The following FBXL4 variants were observed in gnomAD, a reference collection of about 807,000 sequenced individuals.
FBXL4 encodes F-box/LRR-repeat protein 4.
FBXL4 carries 40 observed loss-of-function variants against 58.9 expected under a neutral mutation model. That is an observed-to-expected ratio of 0.68 (90% confidence interval 0.53 to 0.88). FBXL4 has a LOEUF of 0.88. Among genes scored for constraint, FBXL4 ranks in the 40% least tolerant of loss-of-function variants. The pLI is 0.00. For missense variants in FBXL4, 676 were observed against 734.4 expected (o/e 0.92, Z 0.92); for synonymous variants, 263 against 265.5 (o/e 0.99, Z 0.09).
rs199923936 is a variant in FBXL4, at chr6:98,917,700, C to T, written c.532G>A (p.Glu178Lys). 3.7e-6 allele frequency: 6 copies of T among 1,601,718 alleles called. No homozygotes were observed. The Admixed American group carries it at 8.7e-5, about 23-fold the overall frequency. The change falls in exon 5 of 10, where the codon GAG becomes AAG. Residue 178 changes from glutamate (E) to lysine (K), a missense_variant. Coordinates refer to ENST00000369244, the MANE Select transcript of FBXL4 (RefSeq NM_001278716.2). ...AEVRWEILWSERPTKVNASQA... is the reference protein window; with the variant it reads ...AEVRWEILWSKRPTKVNASQA... The stretch of plus-strand genomic sequence containing the variant: ...GAAGCATTCACCTTCGTAGGTCTCT[C>T]TGACCAAAGAATCTCCCATCTGCCA...
At position 98,870,514 on chromosome 6, in the gene FBXL4, T is replaced by C. The variant is rs995166554; in HGVS notation, c.*3764A>G. Reference sequence around the variant, plus strand: ...TGAACAAATGCAAAGGAGACTTATGTGGTGCTGTCATCATTTTGCACTGCT... The same window carrying C: ...TGAACAAATGCAAAGGAGACTTATGCGGTGCTGTCATCATTTTGCACTGCT... On this transcript the variant is annotated 3_prime_UTR_variant, in exon 10 of 10. Transcript: ENST00000369244. 6.6e-6 allele frequency: 1 copy of C among 152,216 alleles called. No homozygotes were observed. Among genetic ancestry groups the C allele is most frequent in the Non-Finnish European group, 1.5e-5 (1 of 68,038 alleles). The allele number at this position is 152,216 out of a possible 1,614,324, so 9.4% of individuals were successfully genotyped here.
intron 2 of FBXL4, among the ~76,000 whole-genome samples, chr6:98,928,326 ACTTTT>A (rs1226959374): frequency 1.3e-5 from 2 of 150,184 alleles, no homozygotes; most frequent in Admixed American, 6.6e-5. Context: ...AGATGTACCA[ACTTTT>A]CTTTTTTTTT....
intron 1 of FBXL4, among the ~76,000 whole-genome samples, chr6:98,944,008 T>C (rs1301218866): frequency 1.3e-5 from 2 of 152,228 alleles, no homozygotes; most frequent in Non-Finnish European, 1.5e-5. Context: ...ATATAGTATC[T>C]TACAACAAAT....
At chr6:98,937,663 G>A (rs1027520417) in intron 1 of FBXL4, among the ~76,000 whole-genome samples, 31 of 151,980 alleles carry the variant, frequency 2.0e-4, no homozygotes, top group Non-Finnish European at 4.0e-4. Flanking sequence ...AGGCACACTC[G>A]GTGCAATTTT....
Position 98,945,015 on chromosome 6 carries a change from A to G in FBXL4, c.-309+2791T>C, listed in dbSNP as rs1318272644. 2.0e-5 allele frequency among the ~76,000 whole-genome samples: 3 copies of G among 152,306 alleles called. No individual in the cohort carries two copies. In the East Asian group the frequency reaches 5.8e-4, roughly 29 times the overall value. ...AGGGTATGATCTCAGATCCTTGACA[A>G]TTCTTGGCAATGTGATATGGCAAAA... is the stretch of plus-strand genomic sequence containing the variant. On this transcript the variant is annotated intron_variant, in intron 1 of 9. Transcript: ENST00000369244.
intron 1 of FBXL4, among the ~76,000 whole-genome samples, chr6:98,936,055 G>T (rs1182861178): frequency 1.3e-5 from 2 of 151,938 alleles, no homozygotes; most frequent in Non-Finnish European, 2.9e-5. Context: ...ATTTTACCTA[G>T]AAAAAAATAT....
intron 7 of FBXL4, among the ~76,000 whole-genome samples, chr6:98,889,449 A>AGG (rs999535543): frequency 1.3e-5 from 2 of 152,174 alleles, no homozygotes; most frequent in African/African-American, 2.4e-5. Flanking sequence ...TGGGAGGCTG[A>AGG]GGTGGGCAGA....
intron 7 of FBXL4, among the ~76,000 whole-genome samples, chr6:98,895,932 A>G (rs547642272): frequency 6.6e-6 from 1 of 152,310 alleles, no homozygotes; most frequent in African/African-American, 2.4e-5. Context: ...GCTATAATAC[A>G]ATCCATATTT....
Position 98,926,781 on chromosome 6 carries a change from T to C in FBXL4, c.208A>G (p.Ser70Gly), listed in dbSNP as rs1184392580. Reference protein sequence around the residue: ...DFSSHYGSENSMSYTMWNLAG... With the variant: ...DFSSHYGSENGMSYTMWNLAG... ...AAATTCCACATAGTATAGGACATAC[T>C]ATTCTCACTTCCATAATGGGAACTG... Residue 70 changes from serine (S) to glycine (G), a missense_variant, in exon 4 of 10, where the codon AGT becomes GGT. Coordinates refer to ENST00000369244, the MANE Select transcript of FBXL4 (RefSeq NM_001278716.2). 6.2e-7 allele frequency: 1 copy of C among 1,614,098 alleles called. No individual in the cohort carries two copies. The highest frequency in any genetic ancestry group is 8.5e-7 in the Non-Finnish European group (1 of 1,180,042).
At chr6:98,896,199 C>T (rs1197353083) in intron 7 of FBXL4, among the ~76,000 whole-genome samples, 1 of 152,106 alleles carries the variant, frequency 6.6e-6, no homozygotes, top group Non-Finnish European at 1.5e-5. Context: ...AAAGAGAGAC[C>T]AGTCTCCTAC....
chr6:98,899,309 A>G lies in FBXL4; in HGVS notation c.1276T>C (p.Cys426Arg). Residue 426 changes from cysteine to arginine, a missense_variant, in exon 7 of 10, where the codon TGC becomes CGC. Coordinates refer to ENST00000369244, the MANE Select transcript of FBXL4 (RefSeq NM_001278716.2). ...TAGAGAACAAGTCGTTTAAGGCTGC[A>G]TAACTTGGCAATGTGGTTGAAAGCT... ...PQAFNHIAKL[C>R]SLKRLVLYRT... The G allele has an allele frequency of 6.2e-7, 1 of 1,614,084 alleles. No individual in the cohort carries two copies. The highest frequency in any genetic ancestry group is 1.1e-5 in the South Asian group (1 of 91,084).
chr6:98,884,741 G>A (rs1294426382), intron 7 of FBXL4, among the ~76,000 whole-genome samples: 1 of 152,110 alleles, frequency 6.6e-6, no homozygotes, highest in Non-Finnish European at 1.5e-5. Flanking sequence ...CTCTCTTCAT[G>A]AAAGATAATG....
chr6:98,880,560 C>A lies in FBXL4; in HGVS notation c.1382G>T (p.Cys461Phe). The change falls in exon 8 of 10, where the codon TGT (cysteine) becomes TTT (phenylalanine). Residue 461 changes from cysteine to phenylalanine, a missense_variant. By Grantham distance (205) the Cys-to-Phe change is radical. Coordinates refer to ENST00000369244, the MANE Select transcript of FBXL4 (RefSeq NM_001278716.2). ...SELQHLSLGSCVMIEDYDVIA... is the reference protein window; with the variant it reads ...SELQHLSLGSFVMIEDYDVIA... Reference sequence around the variant, plus strand: ...GAATTCTCAAACACTTACCATGACACAACTGCCTAAACTGAGGTGCTGAAG... The same window carrying A: ...GAATTCTCAAACACTTACCATGACAAAACTGCCTAAACTGAGGTGCTGAAG... 1 of 1,613,786 alleles carries A rather than the reference C, an allele frequency of 6.2e-7. No homozygotes were observed. Among genetic ancestry groups the A allele is most frequent in the Non-Finnish European group, 8.5e-7 (1 of 1,179,782 alleles).
intron 5 of FBXL4, among the ~76,000 whole-genome samples, chr6:98,915,790 C>A (rs1221875707): frequency 3.3e-5 from 5 of 152,058 alleles, no homozygotes; most frequent in East Asian, 1.9e-4. Flanking sequence ...ACACCAAAAG[C>A]AATGGCAACA....
At chr6:98,879,156 T>A (rs1770758323) in intron 8 of FBXL4, among the ~76,000 whole-genome samples, 2 of 152,330 alleles carry the variant, frequency 1.3e-5, no homozygotes, top group South Asian at 4.1e-4. Context: ...CAAATGGTAC[T>A]CATTTTAGGT....
intron 5 of FBXL4, among the ~76,000 whole-genome samples, chr6:98,906,084 CAA>C: frequency 1.3e-5 from 2 of 148,300 alleles, no homozygotes; most frequent in East Asian, 4.0e-4. Context: ...ATAGCTTTGA[CAA>C]AAAGATACAC....
chr6:98,904,328 C>A (rs188077151), intron 6 of FBXL4, among the ~76,000 whole-genome samples: 147 of 152,290 alleles, frequency 9.7e-4, no homozygotes, highest in Middle Eastern at 3.4e-3. Flanking sequence ...AGAAAAGAAA[C>A]TCAGTGCATC....
chr6:98,895,232 T>A (rs1771370563), intron 7 of FBXL4, among the ~76,000 whole-genome samples: 1 of 152,240 alleles, frequency 6.6e-6, no homozygotes, highest in Non-Finnish European at 1.5e-5. Context: ...CTTAAATGTT[T>A]CTAAATGTAA....
intron 2 of FBXL4, among the ~76,000 whole-genome samples, chr6:98,933,613 A>G (rs972373593): frequency 6.6e-6 from 1 of 152,068 alleles, no homozygotes; most frequent in Non-Finnish European, 1.5e-5. Context: ...CTGCTCTTAT[A>G]TGTTCGTATT....
Sources: gnomAD v4.1 joint callset for allele counts (sites outside exome capture counted in the v4.1 genomes callset) on GRCh38, gnomAD v4.1.1 for gene constraint, MANE v1.5 for transcripts, NCBI Gene and HGNC (gene_info 2026-07-23, HGNC 2026-07-21) for gene names.